The following LRP1B variants were observed in gnomAD, a reference collection of about 807,000 sequenced individuals.
LRP1B encodes the protein LDL receptor related protein 1B.
In LRP1B, 217 loss-of-function variants were observed where a neutral mutation model predicts 556.6. That is an observed-to-expected ratio of 0.39 (90% CI 0.35 to 0.44). The LOEUF is 0.44. Ranked by LOEUF, LRP1B falls within the 20% of genes least tolerant of loss-of-function variation. The pLI, the probability that LRP1B is intolerant of heterozygous loss-of-function variation, is 1.00. For synonymous variants in LRP1B, 2,047 were observed against 1,865.8 expected (o/e 1.10, Z -2.50); for missense variants, 5,053 against 5,620.8 (o/e 0.90, Z 3.23).
chr2:141,397,040 G>A (rs1446782309), intron 3 of LRP1B, among the ~76,000 whole-genome samples: 1 of 141,052 alleles, frequency 7.1e-6, no homozygotes, highest in African/African-American at 2.7e-5. Context: ...TTGAACCTGG[G>A]GGACAAAGGT....
intron 41 of LRP1B, among the ~76,000 whole-genome samples, chr2:140,630,970 C>A (rs904653614): frequency 6.6e-6 from 1 of 152,174 alleles, no homozygotes; most frequent in South Asian, 2.1e-4. Flanking sequence ...ACCACTAAAT[C>A]ACTGGCCTCT....
intron 2 of LRP1B, among the ~76,000 whole-genome samples, chr2:141,807,561 TGTATATTTAAACAACTGCCA>T (rs1386866483): frequency 2.0e-5 from 3 of 152,086 alleles, no homozygotes; most frequent in Non-Finnish European, 4.4e-5. Flanking sequence ...AGGAAAGGAC[TGTATATTTAAACAACTGCCA>T]AGAATATCTT....
intron 3 of LRP1B, among the ~76,000 whole-genome samples, chr2:141,384,972 C>A (rs11692778): frequency 1.3e-5 from 2 of 151,904 alleles, no homozygotes; most frequent in Admixed American, 1.3e-4. Flanking sequence ...AAGCCTCCAA[C>A]GCTCTGGTCC....
intron 7 of LRP1B, among the ~76,000 whole-genome samples, chr2:141,184,714 T>G (rs1266491870): frequency 6.6e-6 from 1 of 151,764 alleles, no homozygotes; most frequent in African/African-American, 2.4e-5. Flanking sequence ...TCAATATGTC[T>G]TTTATTATAG....
At chr2:140,316,015 G>A (rs75317870) in intron 82 of LRP1B, among the ~76,000 whole-genome samples, 5,280 of 152,138 alleles carry the variant, frequency 0.035, 147 homozygotes, top group Non-Finnish European at 0.052. Flanking sequence ...AAAAAAGGTT[G>A]GACATTCCTT....
At chr2:141,684,975 C>T (rs1246564079) in intron 2 of LRP1B, among the ~76,000 whole-genome samples, 1 of 152,084 alleles carries the variant, frequency 6.6e-6, no homozygotes, top group African/African-American at 2.4e-5. Context: ...CAGAGCTGCA[C>T]TCCCAGGTGA....
At chr2:141,945,964 A>G (rs1187509473) in intron 1 of LRP1B, among the ~76,000 whole-genome samples, 1 of 135,836 alleles carries the variant, frequency 7.4e-6, no homozygotes, top group Non-Finnish European at 1.6e-5. Context: ...TTATTTATTT[A>G]TTTTTATCTA....
intron 82 of LRP1B, among the ~76,000 whole-genome samples, chr2:140,316,424 A>G (rs1426934309): frequency 6.6e-6 from 1 of 152,152 alleles, no homozygotes; most frequent in Admixed American, 6.6e-5. Context: ...ACTGTCATAA[A>G]TAGAAACTGT....
chr2:141,143,656 G>C (rs1701711886), intron 7 of LRP1B, among the ~76,000 whole-genome samples: 1 of 152,032 alleles, frequency 6.6e-6, no homozygotes, highest in Non-Finnish European at 1.5e-5. Context: ...CCATCCCATT[G>C]CCTTCTCATT....
intron 84 of LRP1B, among the ~76,000 whole-genome samples, chr2:140,287,179 A>T (rs1354149651): frequency 6.6e-6 from 1 of 151,810 alleles, no homozygotes; most frequent in South Asian, 2.1e-4. Flanking sequence ...AAAATTCAAA[A>T]ATCCACTGAA....
intron 2 of LRP1B, among the ~76,000 whole-genome samples, chr2:141,734,695 G>A (rs1180595283): frequency 1.3e-5 from 2 of 151,896 alleles, no homozygotes; most frequent in African/African-American, 4.8e-5. Context: ...CTGTCTCCTT[G>A]GCATTATGAA....
chr2:140,494,426 C>G (rs957639996), intron 56 of LRP1B, among the ~76,000 whole-genome samples: 1 of 151,670 alleles, frequency 6.6e-6, no homozygotes, highest in Non-Finnish European at 1.5e-5. Flanking sequence ...ACGGTGAAAC[C>G]CCATCTCTAC....
chr2:141,272,803 C>G (rs1421357515), intron 3 of LRP1B, among the ~76,000 whole-genome samples: 5 of 152,056 alleles, frequency 3.3e-5, no homozygotes, highest in Non-Finnish European at 5.9e-5. Context: ...AAAAAATAGA[C>G]TCACAAAATA....
chr2:141,867,432 T>G (rs1698448333), intron 1 of LRP1B, among the ~76,000 whole-genome samples: 1 of 152,128 alleles, frequency 6.6e-6, no homozygotes, highest in Admixed American at 6.6e-5. Flanking sequence ...GAATATATGT[T>G]TTCAAATAAA....
chr2:141,049,896 C>A (rs1202484753), intron 10 of LRP1B, among the ~76,000 whole-genome samples: 3 of 151,894 alleles, frequency 2.0e-5, no homozygotes, highest in Non-Finnish European at 2.9e-5. Flanking sequence ...AAAATGAAAA[C>A]CCCAAGCAAA....
intron 84 of LRP1B, among the ~76,000 whole-genome samples, chr2:140,285,832 A>G (rs1366319549): frequency 1.1e-5 from 1 of 92,886 alleles, no homozygotes; most frequent in African/African-American, 3.5e-5. Flanking sequence ...CTTAAGGAGA[A>G]GGGATTCAGT....
At chr2:141,276,661 T>TTC (rs1685305020) in intron 3 of LRP1B, among the ~76,000 whole-genome samples, 1 of 103,288 alleles carries the variant, frequency 9.7e-6, no homozygotes, top group Non-Finnish European at 2.3e-5. Flanking sequence ...TTTCTTTCTT[T>TTC]TTTTTTTTTT....
In LRP1B at chr2:141,519,360, G is replaced by GATATATATATATATAT. The variant is rs60473210; in HGVS notation, c.206-38843_206-38828dup. 1.8e-3 allele frequency among the ~76,000 whole-genome samples: 123 copies of GATATATATATATATAT among 68,210 alleles called. 4 individuals carry two copies. The highest frequency in any genetic ancestry group is 2.6e-3 in the Non-Finnish European group (97 of 36,884). 44.7% of individuals were successfully genotyped at this position (68,210 alleles called of 152,430 possible). On this transcript the variant is annotated intron_variant, in intron 2 of 90. Coordinates refer to ENST00000389484, the MANE Select transcript of LRP1B (RefSeq NM_018557.3). ...CACCATGTGTGGGGCTTAAGTCAATGATATATATATATATATATATATATA... is the reference window on the plus strand; with the variant it reads ...CACCATGTGTGGGGCTTAAGTCAATGATATATATATATATATATATATATATATATATATATATATA...
intron 2 of LRP1B, among the ~76,000 whole-genome samples, chr2:141,574,382 T>C (rs1190901528): frequency 6.6e-6 from 1 of 152,122 alleles, no homozygotes. Context: ...AGGCCTTTGA[T>C]AAAATCCAAC....
Sources: gnomAD v4.1 joint callset for allele counts (sites outside exome capture counted in the v4.1 genomes callset) on GRCh38, gnomAD v4.1.1 for gene constraint, MANE v1.5 for transcripts, NCBI Gene and HGNC (gene_info 2026-07-23, HGNC 2026-07-21) for gene names.